The following SYNPR variants were observed in gnomAD, a reference collection of about 807,000 sequenced individuals.
SYNPR encodes synaptoporin.
Under a neutral mutation model 32.9 loss-of-function variants are expected in SYNPR, and 23 were observed. That is an observed-to-expected ratio of 0.70 (90% CI 0.50 to 0.99). The LOEUF (loss-of-function observed/expected upper bound fraction) is 0.99, where lower values mean the gene tolerates loss of function less well. Among genes scored for constraint, SYNPR ranks in the 50% least tolerant of loss-of-function variants. SYNPR has a pLI of 0.00. For synonymous variants in SYNPR, 146 were observed against 135.9 expected, an observed-to-expected ratio of 1.07 and a Z score of -0.52; for missense variants, 318 against 349.3, an observed-to-expected ratio of 0.91 and a Z score of 0.71.
chr3:63,392,635 C>T (rs17068446), intron 2 of SYNPR, among the ~76,000 whole-genome samples: 2,480 of 152,286 alleles, frequency 0.016, 80 homozygotes, highest in African/African-American at 0.055. Context: ...TTCGGTTATA[C>T]TCCAGATGCC....
chr3:63,523,012 A>G (rs371478021), intron 3 of SYNPR, among the ~76,000 whole-genome samples: 2 of 152,254 alleles, frequency 1.3e-5, no homozygotes, highest in African/African-American at 4.8e-5. Context: ...TGAGTCCAGA[A>G]AGGAATAGTT....
Position 63,609,151 on chromosome 3 carries a change from G to A in SYNPR, c.435G>A (p.Ser145=), listed in dbSNP as rs528743737. 2.2e-4 allele frequency: 353 copies of A among 1,609,542 alleles called. 3 individuals are homozygous for A. The South Asian group carries it at 3.1e-3, about 14-fold the overall frequency. ...LIDFIVTVVF[S]FLWLVGSSAW... is the part of the protein sequence containing the mutation. Reference sequence around the variant, plus strand: ...ACTTCATTGTCACTGTAGTCTTTTCGTTCTTGTGGTTGGTGGGTTCATCAG... The same window carrying A: ...ACTTCATTGTCACTGTAGTCTTTTCATTCTTGTGGTTGGTGGGTTCATCAG... The change falls in exon 5 of 6, where the codon TCG becomes TCA. Residue 145 remains serine (S), a synonymous_variant. Transcript: ENST00000478300.
intron 3 of SYNPR, among the ~76,000 whole-genome samples, chr3:63,494,458 T>TATACAC (rs1559516404): frequency 2.1e-4 from 28 of 132,256 alleles, no homozygotes; most frequent in South Asian, 4.9e-4. Context: ...CACATATATA[T>TATACAC]ACATATATAC....
intron 3 of SYNPR, among the ~76,000 whole-genome samples, chr3:63,519,371 C>T (rs1701863103): frequency 6.6e-6 from 1 of 152,114 alleles, no homozygotes; most frequent in Non-Finnish European, 1.5e-5. Context: ...ATAATAGTGA[C>T]CTTATAGGAT....
chr3:63,292,385 T>C (rs1371732381), intron 2 of SYNPR, among the ~76,000 whole-genome samples: 2 of 152,210 alleles, frequency 1.3e-5, no homozygotes, highest in East Asian at 1.9e-4. Flanking sequence ...GTTCTAGCTA[T>C]TTGAAAATAC....
At chr3:63,419,132 T>A (rs1229992587) in intron 2 of SYNPR, among the ~76,000 whole-genome samples, 7 of 152,160 alleles carry the variant, frequency 4.6e-5, no homozygotes. Flanking sequence ...ATGGGAAGGG[T>A]CACAGCCTGT....
intron 2 of SYNPR, among the ~76,000 whole-genome samples, chr3:63,371,512 C>G (rs1345363573): frequency 1.3e-5 from 2 of 152,222 alleles, no homozygotes; most frequent in Non-Finnish European, 1.5e-5. Context: ...GCTTTCAGAC[C>G]AGTAGCAGCT....
At chr3:63,383,514 C>G (rs1369649578) in intron 2 of SYNPR, among the ~76,000 whole-genome samples, 1 of 152,058 alleles carries the variant, frequency 6.6e-6, no homozygotes, top group Non-Finnish European at 1.5e-5. Flanking sequence ...CTCAGGAGTT[C>G]AAGACCAACC....
intron 2 of SYNPR, among the ~76,000 whole-genome samples, chr3:63,324,065 T>A (rs1030570620): frequency 1.3e-5 from 2 of 152,124 alleles, no homozygotes; most frequent in Non-Finnish European, 2.9e-5. Context: ...TGGCCAATAA[T>A]GAAAAATGAT....
intron 2 of SYNPR, among the ~76,000 whole-genome samples, chr3:63,358,127 G>A (rs2087607196): frequency 6.6e-6 from 1 of 152,158 alleles, no homozygotes; most frequent in African/African-American, 2.4e-5. Context: ...TTACACCTAG[G>A]AAGCAATCAA....
chr3:63,512,070 CT>C (rs1701708461), intron 3 of SYNPR, among the ~76,000 whole-genome samples: 1 of 152,046 alleles, frequency 6.6e-6, no homozygotes, highest in Non-Finnish European at 1.5e-5. Flanking sequence ...AATTAGGACT[CT>C]TTGAATTGTA....
At chr3:63,557,689 T>C (rs1291829943) in intron 4 of SYNPR, among the ~76,000 whole-genome samples, 2 of 152,238 alleles carry the variant, frequency 1.3e-5, no homozygotes, top group African/African-American at 2.4e-5. Flanking sequence ...TACTATGCGA[T>C]GTGGGACATA....
intron 2 of SYNPR, among the ~76,000 whole-genome samples, chr3:63,256,858 G>T (rs2106895561): frequency 6.6e-6 from 1 of 152,244 alleles, no homozygotes; most frequent in East Asian, 1.9e-4. Flanking sequence ...AATAACCAAT[G>T]CAGAGAAGTC....
At chr3:63,464,278 T>C (rs59460117) in intron 2 of SYNPR, among the ~76,000 whole-genome samples, 8,119 of 152,202 alleles carry the variant, frequency 0.053, 555 homozygotes, top group African/African-American at 0.15. Flanking sequence ...CTGGCCCTCA[T>C]TGAAGAATTT....
intron 1 of SYNPR, among the ~76,000 whole-genome samples, chr3:63,241,831 C>A (rs2086246424): frequency 6.6e-6 from 1 of 151,846 alleles, no homozygotes; most frequent in South Asian, 2.1e-4. Flanking sequence ...TTATATCCAG[C>A]CAAAAGCATA....
At chr3:63,604,479 T>C (rs959902604) in intron 4 of SYNPR, among the ~76,000 whole-genome samples, 12 of 152,160 alleles carry the variant, frequency 7.9e-5, no homozygotes, top group African/African-American at 1.4e-4. Context: ...TGTGGGTGTT[T>C]AGTGCTATAA....
intron 2 of SYNPR, among the ~76,000 whole-genome samples, chr3:63,456,763 C>T (rs773254512): frequency 2.9e-4 from 44 of 151,906 alleles, no homozygotes; most frequent in Non-Finnish European, 5.1e-4. Flanking sequence ...TGAGGTCTTG[C>T]CGCTTGTCCC....
the SYNPR span, among the ~76,000 whole-genome samples, chr3:63,205,296 A>C: frequency 6.6e-6 from 1 of 152,160 alleles, no homozygotes; most frequent in Non-Finnish European, 1.5e-5. Flanking sequence ...TATTTTTTGC[A>C]GTAACATTTT....
chr3:63,408,880 C>T (rs2088424544), intron 2 of SYNPR, among the ~76,000 whole-genome samples: 1 of 152,112 alleles, frequency 6.6e-6, no homozygotes, highest in Non-Finnish European at 1.5e-5. Context: ...AAGTTGACAC[C>T]TAAAGTTAAC....
Sources: allele counts gnomAD v4.1 joint callset (sites outside exome capture counted in the v4.1 genomes callset), GRCh38; gene constraint gnomAD v4.1.1; transcripts MANE v1.5; gene names NCBI Gene and HGNC (gene_info 2026-07-23, HGNC 2026-07-21).